COBL: variants seen among roughly 807,000 people sequenced by gnomAD.
COBL encodes the protein protein cordon-bleu.
COBL carries 51 observed loss-of-function variants against 98.8 expected under a neutral mutation model. The ratio of observed to expected loss-of-function variants is 0.52; its 90% confidence interval spans 0.41 to 0.65. The LOEUF (loss-of-function observed/expected upper bound fraction) is 0.65. Ranked by LOEUF, COBL falls within the 30% of genes least tolerant of loss-of-function variation. The pLI is 0.00. For missense variants in COBL, 1,617 were observed against 1,617.5 expected (o/e 1.00, Z 0.01); for synonymous variants, 634 against 651.7 (o/e 0.97, Z 0.41).
At chr7:51,063,876 T>G (rs1260913997) in intron 7 of COBL, among the ~76,000 whole-genome samples, 1 of 152,194 alleles carries the variant, frequency 6.6e-6, no homozygotes. Flanking sequence ...TATGTGTAAT[T>G]CTCAAAAGCA....
intron 7 of COBL, among the ~76,000 whole-genome samples, chr7:51,066,670 G>C (rs1791960812): frequency 2.0e-5 from 3 of 152,178 alleles, no homozygotes; most frequent in African/African-American, 7.2e-5. Context: ...TGCCACTTTA[G>C]CCATCATCAC....
In COBL at chr7:51,205,690, C is replaced by A. The variant is rs1428592730; in HGVS notation, c.246-12101G>T. Among the ~76,000 whole-genome samples, 5 of 147,002 alleles carry A rather than the reference C, an allele frequency of 3.4e-5. No individual in the cohort carries two copies. In the East Asian group the frequency reaches 9.8e-4, roughly 29 times the overall value. ...GATATGACACTAAAAGCATAGAGAGCAAAAGCAAAAATAGACAAATAGGAC... is the reference window on the plus strand; with the variant it reads ...GATATGACACTAAAAGCATAGAGAGAAAAAGCAAAAATAGACAAATAGGAC... On this transcript the variant is annotated intron_variant, in intron 2 of 12. Transcript: ENST00000265136.
intron 5 of COBL, among the ~76,000 whole-genome samples, chr7:51,141,384 T>C (rs1348995294): frequency 6.6e-6 from 1 of 152,140 alleles, no homozygotes; most frequent in Non-Finnish European, 1.5e-5. Context: ...CAGATCCTCT[T>C]AGAAGGACAT....
chr7:51,028,435 C>A lies in COBL; in HGVS notation c.2661G>T (p.Arg887Ser), dbSNP rs1449667640. 1 of 1,614,260 alleles carries A rather than the reference C, an allele frequency of 6.2e-7. No homozygotes were observed. The highest frequency in any genetic ancestry group is 1.1e-5 in the South Asian group (1 of 91,090). ...AACCCTTCTCGGCATAACCGTGTGG[C>A]CTCACCACATCAGCATGGACTTTTG... is the stretch of plus-strand genomic sequence containing the variant. ...GAPKVHADVV[R>S]PHGYAEKGYA... The change falls in exon 10 of 13, where the codon AGG becomes AGT. Residue 887 changes from arginine to serine, a missense_variant. By Grantham distance (110) the Arg-to-Ser change is moderately radical. Transcript: ENST00000265136.
chr7:51,141,400 T>C (rs886656320), intron 5 of COBL, among the ~76,000 whole-genome samples: 24 of 152,164 alleles, frequency 1.6e-4, no homozygotes, highest in African/African-American at 4.8e-4. Context: ...GACATGATGT[T>C]TGCTGTTTTG....
chr7:51,313,611 T>C (rs1803266861), intron 1 of COBL, among the ~76,000 whole-genome samples: 1 of 152,180 alleles, frequency 6.6e-6, no homozygotes, highest in African/African-American at 2.4e-5. Context: ...GATTACTGTA[T>C]TCTACAGAAA....
intron 11 of COBL, 22 bp from the exon 12 acceptor site, chr7:51,025,394 G>T: frequency 1.2e-6 from 2 of 1,612,308 alleles, no homozygotes; most frequent in South Asian, 1.1e-5. Flanking sequence ...ATGATTAAAT[G>T]ACTGCTATAG....
In COBL at chr7:51,172,624, G is replaced by C. The variant is rs561130613; in HGVS notation, c.783+11478C>G. 3.5e-6 allele frequency: 3 copies of C among 861,260 alleles called. No individual in the cohort carries two copies. The South Asian group carries it at 5.3e-5, about 15-fold the overall frequency. The allele number at this position is 861,260 out of a possible 1,614,324, so 53.4% of individuals were successfully genotyped here. On this transcript the variant is annotated intron_variant, in intron 5 of 12. Transcript: ENST00000265136. ...ATCATTAAGGCAAAAATGCCAGTGT[G>C]GCCACAAGGCAGCAAACCCTTCACT...
chr7:51,112,589 CA>C (rs1301883338), intron 6 of COBL, among the ~76,000 whole-genome samples: 2 of 152,166 alleles, frequency 1.3e-5, no homozygotes, highest in African/African-American at 4.8e-5. Flanking sequence ...TCCTGAGCAC[CA>C]GTATTTGACT....
Position 51,028,838 on chromosome 7 carries a change from G to A in COBL, c.2258C>T (p.Ser753Phe). 6.2e-7 allele frequency: 1 copy of A among 1,614,254 alleles called. No individual in the cohort carries two copies. Among genetic ancestry groups the A allele is most frequent in the Non-Finnish European group, 8.5e-7 (1 of 1,180,046 alleles). ...HATGIRIISL[S>F]SSVPEAESQP... ...AGATTCTGCTTCAGGCACAGACGAA[G>A]ACAGGGAAATGATCCTGATGCCGGT... Residue 753 changes from serine (S) to phenylalanine (F), a missense_variant, in exon 10 of 13, where the codon TCT becomes TTT. Coordinates refer to ENST00000265136, the MANE Select transcript of COBL (RefSeq NM_015198.5).
intron 2 of COBL, among the ~76,000 whole-genome samples, chr7:51,204,038 AT>A (rs1317623111): frequency 6.6e-6 from 1 of 152,212 alleles, no homozygotes; most frequent in Non-Finnish European, 1.5e-5. Context: ...ACTAAGTAGG[AT>A]TTCTCCCTGA....
At chr7:51,082,399 C>A (rs942488369) in intron 7 of COBL, among the ~76,000 whole-genome samples, 3 of 152,148 alleles carry the variant, frequency 2.0e-5, no homozygotes, top group Non-Finnish European at 4.4e-5. Flanking sequence ...AAAACTATGC[C>A]TGTCCGGAGG....
At position 51,308,467 on chromosome 7, in the gene COBL, T is replaced by C. The variant is rs201438364; in HGVS notation, c.41+8126A>G. On this transcript the variant is annotated intron_variant, in intron 1 of 12. Transcript: ENST00000265136. The stretch of plus-strand genomic sequence containing the variant: ...ACACAAACAGCTGGTTTTCCCATTA[T>C]GTTCCTTAGCCTTAGTTTGCTACTT... Among the ~76,000 whole-genome samples, 103 of 152,290 alleles carry C rather than the reference T, an allele frequency of 6.8e-4. No individual in the cohort carries two copies. In the East Asian group the frequency reaches 0.018, roughly 27 times the overall value.
intron 6 of COBL, 141 bp downstream of exon 6, chr7:51,136,017 T>C (rs1799200116): frequency 8.9e-7 from 1 of 1,127,496 alleles, no homozygotes; most frequent in Non-Finnish European, 1.2e-6. Context: ...TACTTTTAAA[T>C]AAAGCTTAAA....
At chr7:51,264,359 A>C (rs1169968229) in intron 1 of COBL, among the ~76,000 whole-genome samples, 2 of 152,154 alleles carry the variant, frequency 1.3e-5, no homozygotes, top group Non-Finnish European at 1.5e-5. Context: ...ACATAATTGC[A>C]AAACAAAATA....
chr7:51,118,501 A>AATCT (rs1797475694), intron 6 of COBL, among the ~76,000 whole-genome samples: 1 of 151,984 alleles, frequency 6.6e-6, no homozygotes, highest in African/African-American at 2.4e-5. Context: ...TGCATTTCAC[A>AATCT]ATCTTTTATA....
chr7:51,203,046 A>C (rs1050949021), intron 2 of COBL, among the ~76,000 whole-genome samples: 1 of 151,336 alleles, frequency 6.6e-6, no homozygotes, highest in African/African-American at 2.4e-5. Context: ...GTCTGGAAAA[A>C]TAAGAATAAT....
intron 5 of COBL, among the ~76,000 whole-genome samples, chr7:51,140,926 A>G (rs927097081): frequency 1.3e-5 from 2 of 152,174 alleles, no homozygotes; most frequent in Admixed American, 6.5e-5. Flanking sequence ...GCCATGGTCC[A>G]TTTCCCTTTG....
intron 8 of COBL, 22 bp from the exon 9 acceptor site, chr7:51,030,931 G>T: frequency 4.9e-6 from 7 of 1,434,124 alleles, no homozygotes; most frequent in South Asian, 1.2e-5. Context: ...CAAAGAGAAA[G>T]GAGCACTCAT....
Sources: gnomAD v4.1 joint callset for allele counts (sites outside exome capture counted in the v4.1 genomes callset) on GRCh38, gnomAD v4.1.1 for gene constraint, MANE v1.5 for transcripts, NCBI Gene and HGNC (gene_info 2026-07-23, HGNC 2026-07-21) for gene names.